NSUN3: variants seen among roughly 807,000 people sequenced by gnomAD.
NSUN3 encodes tRNA (cytosine(34)-C(5))-methyltransferase, mitochondrial.
NSUN3 carries 24 observed loss-of-function variants against 36.8 expected under a neutral mutation model. That is an observed-to-expected ratio of 0.65 (90% CI 0.47 to 0.92). NSUN3 has a LOEUF of 0.92. NSUN3 is among the 40% of genes least tolerant of loss of function. NSUN3 has a pLI of 0.00. For missense variants in NSUN3, 381 were observed against 392.8 expected (o/e 0.97, Z 0.25); for synonymous variants, 146 against 145.2 (o/e 1.01, Z -0.04).
chr3:94,108,510 G>A (rs560372612), intron 5 of NSUN3, among the ~76,000 whole-genome samples: 11 of 151,290 alleles, frequency 7.3e-5, no homozygotes, highest in African/African-American at 2.4e-4. Context: ...ACAGGCGCAC[G>A]CCACCATGCC....
At chr3:94,096,594 G>A (rs7631999) in intron 5 of NSUN3, among the ~76,000 whole-genome samples, 6 of 152,092 alleles carry the variant, frequency 3.9e-5, no homozygotes, top group Non-Finnish European at 1.5e-5. Context: ...TACCTCCTGG[G>A]TTCAAGCGAT....
chr3:94,122,618 G>A (rs1283237788), intron 5 of NSUN3, among the ~76,000 whole-genome samples: 1 of 151,794 alleles, frequency 6.6e-6, no homozygotes, highest in East Asian at 1.9e-4. Context: ...TATTAGTGGG[G>A]GAAAGTTCTC....
chr3:94,095,189 T>C, intron 5 of NSUN3, 35 bp downstream of exon 5: 2 of 1,603,542 alleles, frequency 1.2e-6, no homozygotes, highest in Non-Finnish European at 1.7e-6. Context: ...TATTTTGGTG[T>C]CTGATGTAAT....
At chr3:94,124,880 A>G (rs1004176527) in intron 5 of NSUN3, among the ~76,000 whole-genome samples, 3 of 152,098 alleles carry the variant, frequency 2.0e-5, no homozygotes, top group African/African-American at 7.2e-5. Flanking sequence ...TCAGCATATA[A>G]TAGAGGCTCA....
intron 2 of NSUN3, chr3:94,076,942 T>A: frequency 9.3e-7 from 1 of 1,074,102 alleles, no homozygotes; most frequent in East Asian, 2.4e-5. Context: ...TAACAAGATG[T>A]TTTTGTTCAT....
chr3:94,124,416 C>T (rs899144441), intron 5 of NSUN3, among the ~76,000 whole-genome samples: 7 of 152,114 alleles, frequency 4.6e-5, no homozygotes, highest in East Asian at 3.9e-4. Flanking sequence ...CGTGAGCCAC[C>T]GCACCTGCCT....
At chr3:94,110,231 G>A (rs1037844876) in intron 5 of NSUN3, among the ~76,000 whole-genome samples, 3 of 133,472 alleles carry the variant, frequency 2.2e-5, no homozygotes, top group Non-Finnish European at 5.2e-5. Context: ...GTGATAGAAA[G>A]TTATCAGTGA....
At chr3:94,110,230 A>G (rs938270300) in intron 5 of NSUN3, among the ~76,000 whole-genome samples, 4 of 133,928 alleles carry the variant, frequency 3.0e-5, no homozygotes, top group South Asian at 2.5e-4. Flanking sequence ...AGTGATAGAA[A>G]GTTATCAGTG....
intron 2 of NSUN3, among the ~76,000 whole-genome samples, chr3:94,073,804 T>C (rs1560029750): frequency 2.0e-5 from 3 of 152,240 alleles, no homozygotes; most frequent in Admixed American, 1.3e-4. Context: ...TTTCGTTTAA[T>C]TAGATCCCAT....
chr3:94,070,738 A>G (rs909025445), intron 2 of NSUN3, among the ~76,000 whole-genome samples: 10 of 152,178 alleles, frequency 6.6e-5, no homozygotes, highest in Admixed American at 6.5e-5. Context: ...CTTCTATGCT[A>G]TGTTCCTCCA....
In NSUN3 at chr3:94,127,997, G is replaced by T. The variant is rs2077494355; in HGVS notation, c.*1507G>T. 6.6e-6 allele frequency: 1 copy of T among 152,116 alleles called. No individual in the cohort carries two copies. Among genetic ancestry groups the T allele is most frequent in the Non-Finnish European group, 1.5e-5 (1 of 68,038 alleles). The allele number at this position is 152,116 out of a possible 1,614,324, so 9.4% of individuals were successfully genotyped here. On this transcript the variant is annotated 3_prime_UTR_variant, in exon 6 of 6. Transcript: ENST00000314622. ...GCACTTTGTCAGGCCGAGGCAGGGG[G>T]CATCTCCTGAGGTCAGAAGTTCGAG...
intron 2 of NSUN3, among the ~76,000 whole-genome samples, chr3:94,083,274 A>G (rs572915923): frequency 2.0e-5 from 3 of 152,148 alleles, no homozygotes; most frequent in Non-Finnish European, 4.4e-5. Flanking sequence ...GTTTTGAACA[A>G]AGAATCTGAT....
At chr3:94,119,548 T>G (rs2077453297) in intron 5 of NSUN3, among the ~76,000 whole-genome samples, 1 of 152,106 alleles carries the variant, frequency 6.6e-6, no homozygotes, top group African/African-American at 2.4e-5. Flanking sequence ...ACCACTCAAC[T>G]CCTGCTGTGC....
intron 5 of NSUN3, among the ~76,000 whole-genome samples, chr3:94,109,456 G>T (rs1025102345): frequency 1.5e-4 from 23 of 152,314 alleles, no homozygotes; most frequent in African/African-American, 5.3e-4. Flanking sequence ...ATTTAATTAA[G>T]GGAGCTGTTT....
intron 2 of NSUN3, chr3:94,076,799 CCTT>C (rs2077248355): frequency 1.9e-6 from 3 of 1,576,820 alleles, no homozygotes; most frequent in Non-Finnish European, 2.6e-6. Flanking sequence ...GTTTACTTCT[CCTT>C]CATGGTTGAT....
chr3:94,110,446 T>C (rs1347861407), intron 5 of NSUN3, among the ~76,000 whole-genome samples: 1 of 152,082 alleles, frequency 6.6e-6, no homozygotes, highest in Non-Finnish European at 1.5e-5. Context: ...TGCTGAATTC[T>C]CAGTAGGCTT....
intron 2 of NSUN3, among the ~76,000 whole-genome samples, chr3:94,080,927 C>T (rs1003641161): frequency 7.9e-5 from 12 of 152,158 alleles, no homozygotes; most frequent in Non-Finnish European, 1.8e-4. Flanking sequence ...TGTTCTGTCT[C>T]GCTGGTGCTT....
At position 94,130,380 on chromosome 3, in the gene NSUN3, C is replaced by T. The variant is rs2077504884; in HGVS notation, c.*3890C>T. The stretch of plus-strand genomic sequence containing the variant: ...AGACAAAATAATGAGAATACTTTTA[C>T]CAAAGATAATGAAATCTTGCATAAT... On this transcript the variant is annotated 3_prime_UTR_variant, in exon 6 of 6. Coordinates refer to ENST00000314622, the MANE Select transcript of NSUN3 (RefSeq NM_022072.5). 1.3e-5 allele frequency among the ~76,000 whole-genome samples: 2 copies of T among 152,100 alleles called. No individual in the cohort carries two copies. Among genetic ancestry groups the T allele is most frequent in the Non-Finnish European group, 1.5e-5 (1 of 68,010 alleles).
chr3:94,091,029 A>G (rs2077312651), intron 3 of NSUN3, among the ~76,000 whole-genome samples: 1 of 152,164 alleles, frequency 6.6e-6, no homozygotes, highest in African/African-American at 2.4e-5. Flanking sequence ...TCTCAATATT[A>G]TAATTGGAAT....
Sources: allele counts gnomAD v4.1 joint callset (sites outside exome capture counted in the v4.1 genomes callset), GRCh38; gene constraint gnomAD v4.1.1; transcripts MANE v1.5; gene names NCBI Gene and HGNC (gene_info 2026-07-23, HGNC 2026-07-21).